CBLB: variants seen among roughly 807,000 people sequenced by gnomAD.
CBLB encodes the protein Cbl proto-oncogene B.
In CBLB, 31 loss-of-function variants were observed where a neutral mutation model predicts 104.9. The observed-to-expected ratio is 0.30, with a 90% CI of 0.22 to 0.40. The LOEUF is 0.40. Among genes scored for constraint, CBLB ranks in the 10% least tolerant of loss-of-function variants. CBLB has a pLI of 1.00. For missense variants in CBLB, 1,062 were observed against 1,214.6 expected (o/e 0.87, Z 1.87); for synonymous variants, 440 against 422.6 (o/e 1.04, Z -0.51).
chr3:105,668,226 G>A (rs1311716225), intron 18 of CBLB, among the ~76,000 whole-genome samples: 2 of 152,030 alleles, frequency 1.3e-5, no homozygotes, highest in Non-Finnish European at 2.9e-5. Context: ...GGCTATTCGG[G>A]GATATTTCAA....
chr3:105,729,777 GT>G (rs924882315), intron 9 of CBLB, among the ~76,000 whole-genome samples: 41 of 152,126 alleles, frequency 2.7e-4, no homozygotes, highest in African/African-American at 9.6e-4. Context: ...CATATCTAAT[GT>G]TTTACAACTG....
intron 3 of CBLB, among the ~76,000 whole-genome samples, chr3:105,792,908 G>C (rs1295587366): frequency 2.0e-5 from 3 of 152,002 alleles, no homozygotes; most frequent in African/African-American, 7.3e-5. Context: ...AATTTAAAAA[G>C]GTAAGACCAA....
intron 3 of CBLB, among the ~76,000 whole-genome samples, chr3:105,843,119 G>A (rs1256457937): frequency 1.3e-5 from 2 of 152,142 alleles, no homozygotes; most frequent in African/African-American, 4.8e-5. Flanking sequence ...CTGACTAATT[G>A]CCAGAGACCA....
intron 4 of CBLB, among the ~76,000 whole-genome samples, chr3:105,753,694 T>A (rs1297534949): frequency 1.3e-5 from 2 of 152,206 alleles, no homozygotes; most frequent in Non-Finnish European, 2.9e-5. Flanking sequence ...TGTCAATATT[T>A]ATTTTGTGTA....
At chr3:105,837,155 C>T (rs865818732) in intron 3 of CBLB, among the ~76,000 whole-genome samples, 2 of 152,338 alleles carry the variant, frequency 1.3e-5, no homozygotes, top group Middle Eastern at 6.8e-3. Context: ...TCAACAAGGA[C>T]ACAAGACAAT....
intron 3 of CBLB, among the ~76,000 whole-genome samples, chr3:105,815,252 C>G (rs1007381074): frequency 4.6e-5 from 7 of 152,050 alleles, no homozygotes; most frequent in Non-Finnish European, 8.8e-5. Flanking sequence ...CTGTAGGTAC[C>G]TACTCTTTAT....
intron 12 of CBLB, among the ~76,000 whole-genome samples, chr3:105,699,363 T>C (rs1046024108): frequency 2.6e-5 from 4 of 152,212 alleles, no homozygotes; most frequent in Admixed American, 1.3e-4. Context: ...GAAATTTAGA[T>C]AGCTGGAAGC....
chr3:105,690,776 C>T (rs554000219), intron 13 of CBLB, among the ~76,000 whole-genome samples: 7 of 150,206 alleles, frequency 4.7e-5, no homozygotes, highest in East Asian at 2.0e-4. Flanking sequence ...GAGCCGAGAT[C>T]GCGCCACTGC....
chr3:105,847,948 TAG>T (rs1261246331), intron 3 of CBLB, among the ~76,000 whole-genome samples: 4 of 152,210 alleles, frequency 2.6e-5, no homozygotes, highest in Non-Finnish European at 5.9e-5. Flanking sequence ...ATATAATACT[TAG>T]AGTTTCTCCT....
chr3:105,814,543 A>AG (rs1467662316), intron 3 of CBLB, among the ~76,000 whole-genome samples: 1 of 152,148 alleles, frequency 6.6e-6, no homozygotes, highest in African/African-American at 2.4e-5. Context: ...GAATGACAAA[A>AG]AGGATTCATG....
At chr3:105,771,561 AAGCAT>A (rs2078876651) in intron 4 of CBLB, among the ~76,000 whole-genome samples, 1 of 152,112 alleles carries the variant, frequency 6.6e-6, no homozygotes, top group Admixed American at 6.5e-5. Flanking sequence ...AAGAAAGAAG[AAGCAT>A]CCAAATTGGA....
chr3:105,866,300 T>C (rs1337965222), intron 2 of CBLB, among the ~76,000 whole-genome samples: 3 of 152,348 alleles, frequency 2.0e-5, no homozygotes, highest in African/African-American at 7.2e-5. Flanking sequence ...CTACTACTGA[T>C]AGTGGCTTTT....
intron 3 of CBLB, among the ~76,000 whole-genome samples, chr3:105,848,275 A>G (rs937307079): frequency 2.6e-5 from 4 of 152,086 alleles, no homozygotes. Flanking sequence ...CAGCCTGCTC[A>G]TGCCTTTTCT....
chr3:105,716,962 G>A (rs1370693803), intron 10 of CBLB, among the ~76,000 whole-genome samples: 1 of 152,114 alleles, frequency 6.6e-6, no homozygotes, highest in Non-Finnish European at 1.5e-5. Context: ...ATGGTCTTGG[G>A]AGCGGGTGAT....
chr3:105,798,767 T>C (rs946188463), intron 3 of CBLB, among the ~76,000 whole-genome samples: 1 of 152,164 alleles, frequency 6.6e-6, no homozygotes, highest in African/African-American at 2.4e-5. Flanking sequence ...TTGAGTGACA[T>C]GCATTTATGC....
In CBLB at chr3:105,659,249, G is replaced by A; in HGVS notation, c.2690-20C>T. On this transcript the variant is annotated intron_variant, in intron 18 of 18. Coordinates refer to ENST00000394030, the MANE Select transcript of CBLB (RefSeq NM_170662.5). ...AACCATCTGTGTAGATTTTTAAAGA[G>A]AGATACTATTTAAACAGTGAAATAA... 2 of 1,611,284 alleles carry A rather than the reference G, an allele frequency of 1.2e-6. No homozygotes were observed. Among genetic ancestry groups the A allele is most frequent in the African/African-American group, 2.7e-5 (2 of 74,910 alleles).
At chr3:105,850,134 G>A (rs1342595415) in intron 3 of CBLB, among the ~76,000 whole-genome samples, 2 of 152,146 alleles carry the variant, frequency 1.3e-5, no homozygotes, top group South Asian at 2.1e-4. Flanking sequence ...ATTAAGTGAC[G>A]AGCCCAAAGT....
At chr3:105,835,644 G>C (rs1270624147) in intron 3 of CBLB, among the ~76,000 whole-genome samples, 2 of 152,132 alleles carry the variant, frequency 1.3e-5, no homozygotes, top group African/African-American at 4.8e-5. Flanking sequence ...TAAAATACTT[G>C]GTGTACATTC....
rs566841724 is a variant in CBLB at position 105,866,648 on chromosome 3, C to T, written c.168+762G>A. The stretch of plus-strand genomic sequence containing the variant: ...GGTAGGATACTGACAGCTACAGTTT[C>T]TGAGTAAATCTCTGTAAGGTATTCA... On this transcript the variant is annotated intron_variant, in intron 2 of 18. Transcript: ENST00000394030. 4.6e-5 allele frequency among the ~76,000 whole-genome samples: 7 copies of T among 152,304 alleles called. No homozygotes were observed. The South Asian group carries it at 1.4e-3, about 32-fold the overall frequency.
Sources: gnomAD v4.1 joint callset for allele counts (sites outside exome capture counted in the v4.1 genomes callset) on GRCh38, gnomAD v4.1.1 for gene constraint, MANE v1.5 for transcripts, NCBI Gene and HGNC (gene_info 2026-07-23, HGNC 2026-07-21) for gene names.